SGK3: variants seen among roughly 807,000 people sequenced by gnomAD.
SGK3 encodes serum/glucocorticoid regulated kinase family member 3.
A neutral mutation model predicts 68.5 loss-of-function variants in SGK3; 47 were observed. The observed-to-expected ratio is 0.69, with a 90% CI of 0.54 to 0.87. The LOEUF (loss-of-function observed/expected upper bound fraction) is 0.87. SGK3 is among the 40% of genes least tolerant of loss of function. The pLI, the probability that SGK3 is intolerant of heterozygous loss-of-function variation, is 0.00. For missense variants in SGK3, 479 were observed against 575.5 expected (o/e 0.83, Z 1.72); for synonymous variants, 181 against 189.1 (o/e 0.96, Z 0.35).
chr8:66,844,065 C>A lies in SGK3; in HGVS notation c.1074+518C>A, dbSNP rs190908808. Reference sequence around the variant, plus strand: ...TTTTTTTAAATTAATATAATTGTTTCTCTGCTATTCTAATAACTACTTCAG... The same window carrying A: ...TTTTTTTAAATTAATATAATTGTTTATCTGCTATTCTAATAACTACTTCAG... On this transcript the variant is annotated intron_variant, in intron 14 of 16. Transcript: ENST00000521198. 4.0e-3 allele frequency among the ~76,000 whole-genome samples: 579 copies of A among 144,428 alleles called. 5 individuals carry two copies. The highest frequency in any genetic ancestry group is 0.014 in the African/African-American group (550 of 39,482). 94.8% of individuals were successfully genotyped at this position (144,428 alleles called of 152,430 possible). A position where few individuals can be genotyped will look rare whatever the true frequency, so the allele number is the denominator to read the frequency against.
chr8:66,743,474 C>T (rs999155973), intron 1 of SGK3, among the ~76,000 whole-genome samples: 1 of 152,348 alleles, frequency 6.6e-6, no homozygotes, highest in East Asian at 1.9e-4. Context: ...CTCCCCACTT[C>T]ATATAGTAAC....
chr8:66,746,729 T>G (rs1051364382), intron 1 of SGK3, among the ~76,000 whole-genome samples: 2 of 152,064 alleles, frequency 1.3e-5, no homozygotes, highest in Non-Finnish European at 2.9e-5. Context: ...CTAATTTTTC[T>G]TAATTTTTTT....
intron 15 of SGK3, among the ~76,000 whole-genome samples, chr8:66,847,719 C>T (rs1471199096): frequency 6.6e-6 from 1 of 152,090 alleles, no homozygotes; most frequent in Non-Finnish European, 1.5e-5. Flanking sequence ...TTTTCATGAA[C>T]TAATAACACA....
chr8:66,734,454 C>A (rs956661887), intron 1 of SGK3, among the ~76,000 whole-genome samples: 3 of 152,004 alleles, frequency 2.0e-5, no homozygotes, highest in African/African-American at 7.2e-5. Context: ...TTAAAATTTT[C>A]TTTCCAACTC....
At chr8:66,827,814 T>C (rs1427555501) in intron 6 of SGK3, among the ~76,000 whole-genome samples, 1 of 152,132 alleles carries the variant, frequency 6.6e-6, no homozygotes, top group East Asian at 1.9e-4. Context: ...ATGTTGGCAC[T>C]ACCACAGTGC....
intron 14 of SGK3, among the ~76,000 whole-genome samples, chr8:66,845,398 C>CA (rs147371399): frequency 9.1e-5 from 13 of 143,358 alleles, no homozygotes; most frequent in South Asian, 2.2e-4. Context: ...GACTCCGTCT[C>CA]AAAAAAAAAC....
chr8:66,780,633 G>A (rs1460861782), intron 1 of SGK3, among the ~76,000 whole-genome samples: 3 of 152,140 alleles, frequency 2.0e-5, no homozygotes, highest in African/African-American at 7.2e-5. Flanking sequence ...GAAATAGGAA[G>A]GAGTTTGTTC....
chr8:66,757,991 A>G (rs774313041), intron 1 of SGK3, among the ~76,000 whole-genome samples: 1 of 140,824 alleles, frequency 7.1e-6, no homozygotes, highest in Non-Finnish European at 1.5e-5. Context: ...CACTATATGT[A>G]TATATATACA....
At chr8:66,759,080 C>CTTTTTT (rs752312636) in intron 1 of SGK3, among the ~76,000 whole-genome samples, 1 of 140,408 alleles carries the variant, frequency 7.1e-6, no homozygotes. Flanking sequence ...TTCTTTTCTT[C>CTTTTTT]TTTTTTTTTT....
intron 1 of SGK3, among the ~76,000 whole-genome samples, chr8:66,714,456 A>G (rs1387617977): frequency 5.3e-5 from 8 of 152,192 alleles, no homozygotes; most frequent in African/African-American, 1.7e-4. Flanking sequence ...TAATGTCAAA[A>G]TCTGCACATC....
At chr8:66,771,634 G>A (rs923659724) in intron 1 of SGK3, among the ~76,000 whole-genome samples, 1 of 152,136 alleles carries the variant, frequency 6.6e-6, no homozygotes, top group Admixed American at 6.5e-5. Context: ...ACTTATTCTT[G>A]AGGATTTCTT....
intron 14 of SGK3, among the ~76,000 whole-genome samples, chr8:66,846,373 G>A (rs960147801): frequency 2.2e-4 from 33 of 152,096 alleles, no homozygotes; most frequent in African/African-American, 6.7e-4. Context: ...GGAGTGCAGT[G>A]GCGCAATCTC....
chr8:66,779,394 A>G (rs1400578040), intron 1 of SGK3, among the ~76,000 whole-genome samples: 1 of 151,530 alleles, frequency 6.6e-6, no homozygotes, highest in Middle Eastern at 3.4e-3. Flanking sequence ...CCAAACCTCA[A>G]CTGAAGTTTT....
intron 1 of SGK3, among the ~76,000 whole-genome samples, chr8:66,769,977 G>A (rs910987759): frequency 9.9e-5 from 15 of 152,022 alleles, no homozygotes; most frequent in Admixed American, 9.2e-4. Context: ...TTTTTGAGAC[G>A]GAGCCTCGCT....
At chr8:66,794,554 G>C (rs1173114958) in intron 2 of SGK3, among the ~76,000 whole-genome samples, 23 of 151,150 alleles carry the variant, frequency 1.5e-4, no homozygotes, top group Non-Finnish European at 1.5e-5. Context: ...CTCACCTACT[G>C]AGTAATATGA....
chr8:66,747,771 G>A (rs987868128), intron 1 of SGK3, among the ~76,000 whole-genome samples: 2 of 152,032 alleles, frequency 1.3e-5, no homozygotes, highest in African/African-American at 4.8e-5. Flanking sequence ...CTGCCGTTTT[G>A]TACCACTTTA....
rs112166313 is a variant in SGK3 at position 66,800,904 on chromosome 8, G to T, written c.180+2279G>T. 5.2e-3 allele frequency among the ~76,000 whole-genome samples: 798 copies of T among 152,278 alleles called. 13 individuals are homozygous for T. Among genetic ancestry groups the T allele is most frequent in the African/African-American group, 0.019 (772 of 41,554 alleles). ...GGAGGCTGTGGTAGGAGGATCACTT[G>T]AGCCTGGGCGGTTGAGGCTGCAATG... On this transcript the variant is annotated intron_variant, in intron 3 of 16. Coordinates refer to ENST00000521198, the MANE Select transcript of SGK3 (RefSeq NM_001033578.3).
At chr8:66,849,637 C>T (rs1434772580) in intron 15 of SGK3, among the ~76,000 whole-genome samples, 10 of 149,582 alleles carry the variant, frequency 6.7e-5, no homozygotes, top group East Asian at 2.0e-4. Flanking sequence ...GCTCTGTCAC[C>T]GATGCTGGAG....
chr8:66,723,090 CATA>C (rs1804845847), intron 1 of SGK3, among the ~76,000 whole-genome samples: 1 of 21,276 alleles, frequency 4.7e-5, no homozygotes, highest in African/African-American at 2.4e-4. Context: ...AGATTTTGTT[CATA>C]TATATATATA....
Sources: gnomAD v4.1 joint callset for allele counts (sites outside exome capture counted in the v4.1 genomes callset) on GRCh38, gnomAD v4.1.1 for gene constraint, MANE v1.5 for transcripts, NCBI Gene and HGNC (gene_info 2026-07-23, HGNC 2026-07-21) for gene names.